The following SLC1A5 variants were observed in gnomAD, a reference collection of about 807,000 sequenced individuals.
The protein encoded by SLC1A5 is neutral amino acid transporter B(0).
A neutral mutation model predicts 34.9 loss-of-function variants in SLC1A5; 25 were observed. The observed-to-expected ratio is 0.72, with a 90% confidence interval of 0.52 to 1.00. SLC1A5 has a LOEUF of 1.00. SLC1A5 is among the 50% of genes least tolerant of loss of function. The pLI is 0.00. For synonymous variants in SLC1A5, 351 were observed against 341.2 expected (o/e 1.03, Z -0.32); for missense variants, 637 against 740.0 (o/e 0.86, Z 1.61).
chr19:46,781,165 G>T (rs571599286), intron 4 of SLC1A5, among the ~76,000 whole-genome samples: 1 of 152,270 alleles, frequency 6.6e-6, no homozygotes, highest in South Asian at 2.1e-4. Flanking sequence ...GATTCCTCAC[G>T]GGAATGCTGG....
At position 46,777,094 on chromosome 19, in the gene SLC1A5, C is replaced by T. The variant is rs755184615; in HGVS notation, c.1269G>A (p.Ala423=). The change falls in exon 7 of 8, where the codon GCG becomes GCA. Residue 423 remains alanine (A), a synonymous_variant. Transcript: ENST00000542575. ...GGATGCCCGCTGCCCCCACGCTGGA[C>T]GCTGTGGCCGTGACCCTGAGGGAGA... ...KIITILVTAT[A]SSVGAAGIPA... 25 of 1,613,696 alleles carry T rather than the reference C, an allele frequency of 1.5e-5. No individual in the cohort carries two copies. Among genetic ancestry groups the T allele is most frequent in the Non-Finnish European group, 1.9e-5 (22 of 1,179,960 alleles).
In SLC1A5 at chr19:46,775,463, T is replaced by C. The variant is rs1319192502; in HGVS notation, c.*47A>G. On this transcript the variant is annotated 3_prime_UTR_variant, in exon 8 of 8. Coordinates refer to ENST00000542575, the MANE Select transcript of SLC1A5 (RefSeq NM_005628.3). ...CATTTATCCATTCCTCATAATCCAG[T>C]GTCCAAAGAGCACCCCCAGCAGGGC... The C allele has an allele frequency of 4.5e-6, 7 of 1,558,352 alleles. No homozygotes were observed. The highest frequency in any genetic ancestry group is 6.1e-6 in the Non-Finnish European group (7 of 1,154,228).
chr19:46,786,929 G>C (rs2055190762), intron 1 of SLC1A5, among the ~76,000 whole-genome samples: 1 of 152,296 alleles, frequency 6.6e-6, no homozygotes, highest in South Asian at 2.1e-4. Flanking sequence ...CACGTGGTGT[G>C]GGGGTGCCCC....
At chr19:46,782,342 T>TGCCACC in intron 4 of SLC1A5, 41 bp downstream of exon 4, 2 of 523,372 alleles carry the variant, frequency 3.8e-6, no homozygotes, top group East Asian at 4.0e-5. Context: ...AGACCGACCC[T>TGCCACC]CCAACCCCAC....
chr19:46,787,440 G>A lies in SLC1A5; in HGVS notation c.526C>T (p.Pro176Ser). 2 of 1,601,856 alleles carry A rather than the reference G, an allele frequency of 1.2e-6. No individual in the cohort carries two copies. Among genetic ancestry groups the A allele is most frequent in the South Asian group, 2.3e-5 (2 of 88,884 alleles). The stretch of plus-strand genomic sequence containing the variant: ...AACGAATCGAGCACCTCCTTGCTGG[G>A]GGCATTTTCGGCACTGCCCGCGGCT... ...VGAAGSAENA[P>S]SKEVLDSFLD... Residue 176 changes from proline (P) to serine (S), a missense_variant, in exon 1 of 8, where the codon CCC becomes TCC. Physicochemically the swap from Pro to Ser is moderately conservative, Grantham distance 74. Transcript: ENST00000542575. This position sits in a 1 kb window ranked among gnomAD's most constrained non-coding sequence, Gnocchi z 5.2.
At position 46,775,508 on chromosome 19, in the gene SLC1A5, G is replaced by A. The variant is rs1294270631; in HGVS notation, c.*2C>T. The A allele has an allele frequency of 2.5e-6, 4 of 1,605,062 alleles. No individual in the cohort carries two copies. The highest frequency in any genetic ancestry group is 3.4e-6 in the Non-Finnish European group (4 of 1,175,454). ...CAGGGCAGGGAAGGTCCCTCCCGGG[G>A]TTTACATGACTGATTCCTTCTCAGA... On this transcript the variant is annotated 3_prime_UTR_variant, in exon 8 of 8. Transcript: ENST00000542575.
intron 6 of SLC1A5, 49 bp from the exon 7 acceptor site, chr19:46,777,158 G>C: frequency 7.5e-6 from 12 of 1,607,484 alleles, no homozygotes; most frequent in Non-Finnish European, 1.0e-5. Context: ...TGTGGGAGAA[G>C]ATGGGGGTCA....
Position 46,782,300 on chromosome 19 carries a change from A to C in SLC1A5, c.824+83T>G, listed in dbSNP as rs1002481647. On this transcript the variant is annotated intron_variant, in intron 4 of 7. Coordinates refer to ENST00000542575, the MANE Select transcript of SLC1A5 (RefSeq NM_005628.3). The stretch of plus-strand genomic sequence containing the variant: ...GAGTGAATAGAGGGTGCCCCATCCC[A>C]AACAGAATGCCCCGCACCTGCCTCT... 11 of 1,283,700 alleles carry C rather than the reference A, an allele frequency of 8.6e-6. No individual in the cohort carries two copies. In the African/African-American group the frequency reaches 1.0e-4, roughly 12 times the overall value. 79.5% of individuals were successfully genotyped at this position (1,283,700 alleles called of 1,614,324 possible).
intron 4 of SLC1A5, among the ~76,000 whole-genome samples, chr19:46,781,853 C>G (rs934988016): frequency 6.6e-6 from 1 of 152,102 alleles, no homozygotes; most frequent in African/African-American, 2.4e-5. Context: ...ACTGTAGGCA[C>G]GCAATAAGCC....
chr19:46,787,297 G>A lies in SLC1A5; in HGVS notation c.566+103C>T. The stretch of plus-strand genomic sequence containing the variant: ...TGTCGAGTTTTCCTAAGACTCTAGA[G>A]GGAAGTCTCTGCTCCAGGGGCCCCA... On this transcript the variant is annotated intron_variant, in intron 1 of 7. Coordinates refer to ENST00000542575, the MANE Select transcript of SLC1A5 (RefSeq NM_005628.3). This position sits in a 1 kb window ranked among gnomAD's most constrained non-coding sequence, Gnocchi z 5.2. 2 of 1,506,534 alleles carry A rather than the reference G, an allele frequency of 1.3e-6. No homozygotes were observed. Among genetic ancestry groups the A allele is most frequent in the Non-Finnish European group, 1.8e-6 (2 of 1,125,896 alleles). 93.3% of individuals were successfully genotyped at this position (1,506,534 alleles called of 1,614,324 possible).
chr19:46,782,620 T>C (rs1350065645), intron 3 of SLC1A5, 71 bp from the exon 4 acceptor site: 6 of 1,558,826 alleles, frequency 3.8e-6, no homozygotes, highest in Non-Finnish European at 5.3e-6. Flanking sequence ...GGGCCTGTCC[T>C]TGGCACCACT....
At position 46,787,353 on chromosome 19, in the gene SLC1A5, G is replaced by A. The variant is rs1478357945; in HGVS notation, c.566+47C>T. 4 of 1,553,228 alleles carry A rather than the reference G, an allele frequency of 2.6e-6. No individual in the cohort carries two copies. Among genetic ancestry groups the A allele is most frequent in the African/African-American group, 1.4e-5 (1 of 72,840 alleles). On this transcript the variant is annotated intron_variant, in intron 1 of 7. Transcript: ENST00000542575. This position sits in a 1 kb window ranked among gnomAD's most constrained non-coding sequence, Gnocchi z 5.2. ...CCGTCCTGTCCACGTGACCACTCCC[G>A]CCATCCGTAACACTCTTCCCCACCT...
intron 4 of SLC1A5, among the ~76,000 whole-genome samples, chr19:46,779,143 G>A (rs916101589): frequency 1.3e-5 from 2 of 152,208 alleles, no homozygotes; most frequent in Non-Finnish European, 2.9e-5. Context: ...TCTCCGTGCA[G>A]GCCGGGCACG....
At chr19:46,782,342 T>TGCCAACCCCCC in intron 4 of SLC1A5, 41 bp downstream of exon 4, 1 of 523,368 alleles carries the variant, frequency 1.9e-6, no homozygotes. Flanking sequence ...AGACCGACCC[T>TGCCAACCCCCC]CCAACCCCAC....
At position 46,788,262 on chromosome 19, in the gene SLC1A5, CGA is replaced by C. The variant is rs559853512; in HGVS notation, c.-299_-298del. ...TCCTTGGCCCTAGGAGCTGGGAATA[CGA>C]GAGTTTCTCTGGGTGGGACGTGGGG... On this transcript the variant is annotated 5_prime_UTR_variant, in exon 1 of 8. Transcript: ENST00000542575. 1,699 of 380,152 alleles carry C rather than the reference CGA, an allele frequency of 4.5e-3. 8 individuals carry two copies. The highest frequency in any genetic ancestry group is 6.9e-3 in the Admixed American group (155 of 22,598). 23.5% of individuals were successfully genotyped at this position (380,152 alleles called of 1,614,324 possible). A position where few individuals can be genotyped will look rare whatever the true frequency, so the allele number is the denominator to read the frequency against.
intron 1 of SLC1A5, among the ~76,000 whole-genome samples, chr19:46,785,765 A>G (rs2055181503): frequency 6.6e-6 from 1 of 152,214 alleles, no homozygotes; most frequent in Non-Finnish European, 1.5e-5. Flanking sequence ...ATCACGGTAC[A>G]GTAAAATAAC....
At chr19:46,782,342 T>TGCCAACCCCCCCCCCCCCCCC in intron 4 of SLC1A5, 41 bp downstream of exon 4, 15 of 523,360 alleles carry the variant, frequency 2.9e-5, no homozygotes, top group Non-Finnish European at 2.8e-5. Context: ...AGACCGACCC[T>TGCCAACCCCCCCCCCCCCCCC]CCAACCCCAC....
chr19:46,786,452 T>C (rs1242534614), intron 1 of SLC1A5, among the ~76,000 whole-genome samples: 9 of 152,272 alleles, frequency 5.9e-5, no homozygotes, highest in Non-Finnish European at 1.0e-4. Flanking sequence ...AGGACCCAGC[T>C]AATCTCCCCC....
chr19:46,782,450 C>T lies in SLC1A5; in HGVS notation c.757G>A (p.Glu253Lys), dbSNP rs150805394. Residue 253 changes from glutamate to lysine, a missense_variant, in exon 4 of 8, where the codon GAG becomes AAG. Physicochemically the swap from Glu to Lys is moderately conservative, Grantham distance 56. Transcript: ENST00000542575. ...VALRKLGPEG[E>K]LLIRFFNSFN... is the part of the protein sequence containing the mutation. Reference sequence around the variant, plus strand: ...GAGTTGAAGAAGCGGATAAGCAGCTCCCCTTCAGGCCCCAGCTTCCGCAGC... The same window carrying T: ...GAGTTGAAGAAGCGGATAAGCAGCTTCCCTTCAGGCCCCAGCTTCCGCAGC... 3,110 of 1,613,616 alleles carry T rather than the reference C, an allele frequency of 1.9e-3. 9 individuals carry two copies. Among genetic ancestry groups the T allele is most frequent in the Non-Finnish European group, 2.0e-3 (2,360 of 1,179,886 alleles).
Sources: gnomAD v4.1 joint callset for allele counts (sites outside exome capture counted in the v4.1 genomes callset) on GRCh38, gnomAD v4.1.1 for gene constraint, Gnocchi (gnomAD v3.1) non-coding constraint, MANE v1.5 for transcripts, NCBI Gene and HGNC (gene_info 2026-07-23, HGNC 2026-07-21) for gene names.